PTPRU: variants seen among roughly 807,000 people sequenced by gnomAD.
PTPRU encodes the protein protein tyrosine phosphatase receptor type U, also known as receptor-type tyrosine-protein phosphatase U.
PTPRU carries 69 observed loss-of-function variants against 166.3 expected under a neutral mutation model. The ratio of observed to expected loss-of-function variants is 0.41; its 90% CI spans 0.34 to 0.51. PTPRU has a LOEUF of 0.51. Among genes scored for constraint, PTPRU ranks in the 20% least tolerant of loss-of-function variants. PTPRU has a pLI of 0.09. For missense variants in PTPRU, 1,657 were observed against 2,013.7 expected, an observed-to-expected ratio of 0.82 and a Z score of 3.39; for synonymous variants, 793 against 814.0, an observed-to-expected ratio of 0.97 and a Z score of 0.44.
intron 18 of PTPRU, among the ~76,000 whole-genome samples, chr1:29,310,140 CAG>C (rs746829664): frequency 3.9e-5 from 6 of 152,110 alleles, no homozygotes; most frequent in Non-Finnish European, 7.3e-5. Context: ...GTGACCATAA[CAG>C]GGTCATTATT....
At position 29,303,901 on chromosome 1, in the gene PTPRU, G is replaced by T. The variant is rs765510662; in HGVS notation, c.2523G>T (p.Gly841=). ...TCACTGAGGCCAGCAGCCTCCTGGG[G>T]GGCTCCCCGAGGCGTCCCTGTGGCC... ...GGVTEASSLL[G]GSPRRPCGRK... Residue 841 remains glycine, a synonymous_variant, in exon 16 of 30, where the codon GGG becomes GGT. Transcript: ENST00000373779. 2.5e-6 allele frequency: 4 copies of T among 1,613,628 alleles called. No homozygotes were observed. Among genetic ancestry groups the T allele is most frequent in the Non-Finnish European group, 3.4e-6 (4 of 1,179,596 alleles).
chr1:29,304,067 G>A, intron 16 of PTPRU, 22 bp downstream of exon 16: 1 of 1,591,486 alleles, frequency 6.3e-7, no homozygotes, highest in Non-Finnish European at 8.6e-7. Context: ...CCCCGGGCCA[G>A]CAGGATCCCT....
chr1:29,243,006 T>C (rs774618800), intron 1 of PTPRU, among the ~76,000 whole-genome samples: 2 of 152,094 alleles, frequency 1.3e-5, no homozygotes, highest in Non-Finnish European at 2.9e-5. Context: ...CAAGCAATTC[T>C]TCAGCCTCAG....
At chr1:29,266,023 T>C (rs541148363) in intron 7 of PTPRU, among the ~76,000 whole-genome samples, 3,722 of 141,834 alleles carry the variant, frequency 0.026, 182 homozygotes, top group African/African-American at 0.091. Flanking sequence ...TTTTTTTTTT[T>C]TTTTTTTTTT....
At chr1:29,324,639 C>T (rs1265269670) in intron 28 of PTPRU, among the ~76,000 whole-genome samples, 1 of 152,226 alleles carries the variant, frequency 6.6e-6, no homozygotes, top group South Asian at 2.1e-4. Flanking sequence ...CTGTCTTTGT[C>T]TCTCCGGGTG....
rs1574619471 is a variant in PTPRU at position 29,258,411 on chromosome 1, G to A, written c.206-94G>A. 1.4e-5 allele frequency: 19 copies of A among 1,403,044 alleles called. No homozygotes were observed. The Middle Eastern group carries it at 5.6e-4, about 41-fold the overall frequency. The allele number at this position is 1,403,044 out of a possible 1,614,324, so 86.9% of individuals were successfully genotyped here. On this transcript the variant is annotated intron_variant, in intron 2 of 29. Transcript: ENST00000373779. Reference sequence around the variant, plus strand: ...GAATCCCTGACTCCTGGTGGGTCCCGTTGCCTGGAGTCCTCCTCAGTGCTC... The same window carrying A: ...GAATCCCTGACTCCTGGTGGGTCCCATTGCCTGGAGTCCTCCTCAGTGCTC...
At position 29,260,638 on chromosome 1, in the gene PTPRU, G is replaced by A. The variant is rs368989564; in HGVS notation, c.879G>A (p.Gln293=). 30 of 1,505,486 alleles carry A rather than the reference G, an allele frequency of 2.0e-5. No individual in the cohort carries two copies. Among genetic ancestry groups the A allele is most frequent in the Non-Finnish European group, 2.7e-5 (30 of 1,124,760 alleles). The allele number at this position is 1,505,486 out of a possible 1,614,324, so 93.3% of individuals were successfully genotyped here. A position where few individuals can be genotyped will look rare whatever the true frequency, so the allele number is the denominator to read the frequency against. The change falls in exon 7 of 30, where the codon CAG becomes CAA. Residue 293 remains glutamine (Q), a synonymous_variant. Transcript: ENST00000373779. The surrounding 1 kb of genome is among the most constrained non-coding windows in gnomAD (Gnocchi z 8.3). ...KEPPTPIAPP[Q]LLRAGPTYLI... ...CCCCAACTCCCATCGCGCCCCCACAGCTGCTGCGTGCTGGCCCCACCTACC... is the reference window on the plus strand; with the variant it reads ...CCCCAACTCCCATCGCGCCCCCACAACTGCTGCGTGCTGGCCCCACCTACC...
chr1:29,300,490 C>T (rs1296335131), intron 15 of PTPRU, among the ~76,000 whole-genome samples: 1 of 152,176 alleles, frequency 6.6e-6, no homozygotes, highest in African/African-American at 2.4e-5. Context: ...TAATGGGACA[C>T]CACTTAATCA....
intron 1 of PTPRU, among the ~76,000 whole-genome samples, chr1:29,249,136 T>G (rs554911274): frequency 2.0e-5 from 3 of 151,184 alleles, no homozygotes; most frequent in Admixed American, 1.3e-4. Context: ...TCCTGTCATC[T>G]TAGAGCCATG....
chr1:29,239,803 C>T (rs570369294), intron 1 of PTPRU, among the ~76,000 whole-genome samples: 15 of 152,202 alleles, frequency 9.9e-5, no homozygotes, highest in African/African-American at 3.6e-4. Context: ...TATCTTTCAC[C>T]TGCAGGAAGA....
At position 29,303,861 on chromosome 1, in the gene PTPRU, A is replaced by G; in HGVS notation, c.2483A>G (p.Gln828Arg). 3 of 1,605,846 alleles carry G rather than the reference A, an allele frequency of 1.9e-6. No individual in the cohort carries two copies. The highest frequency in any genetic ancestry group is 2.6e-6 in the Non-Finnish European group (3 of 1,173,772). Residue 828 changes from glutamine (Q) to arginine (R), a missense_variant, in exon 16 of 30, where the codon CAG (glutamine) becomes CGG (arginine). Physicochemically the swap from Gln to Arg is conservative, Grantham distance 43 (BLOSUM62 1). Coordinates refer to ENST00000373779, the MANE Select transcript of PTPRU (RefSeq NM_133178.4). Reference protein sequence around the residue: ...DTHGYSTRGDQRSGGVTEASS... With the variant: ...DTHGYSTRGDRRSGGVTEASS... Reference sequence around the variant, plus strand: ...TGTCTTTCTCTGACTGCAGGAGACCAGCGCAGCGGTGGGGTCACTGAGGCC... The same window carrying G: ...TGTCTTTCTCTGACTGCAGGAGACCGGCGCAGCGGTGGGGTCACTGAGGCC...
Position 29,326,484 on chromosome 1 carries a change from C to T in PTPRU, c.*823C>T, listed in dbSNP as rs910683742. 3 of 152,808 alleles carry T rather than the reference C, an allele frequency of 2.0e-5. No individual in the cohort carries two copies. The highest frequency in any genetic ancestry group is 2.1e-4 in the South Asian group (1 of 4,836). 9.5% of individuals were successfully genotyped at this position (152,808 alleles called of 1,614,324 possible). A position where few individuals can be genotyped will look rare whatever the true frequency, so the allele number is the denominator to read the frequency against. Reference sequence around the variant, plus strand: ...AATCTGCAAGGCTGAACAACAGCCCCTGGGGTTGAGGCCCCTGTGGCTCCT... The same window carrying T: ...AATCTGCAAGGCTGAACAACAGCCCTTGGGGTTGAGGCCCCTGTGGCTCCT... On this transcript the variant is annotated 3_prime_UTR_variant, in exon 30 of 30. Coordinates refer to ENST00000373779, the MANE Select transcript of PTPRU (RefSeq NM_133178.4).
At chr1:29,319,262 G>A (rs1688040810) in intron 25 of PTPRU, among the ~76,000 whole-genome samples, 1 of 148,814 alleles carries the variant, frequency 6.7e-6, no homozygotes. Flanking sequence ...CTCCCGCCCA[G>A]CCCCCTCCTT....
chr1:29,302,151 ATGTGTGTG>A (rs138316498), intron 15 of PTPRU, among the ~76,000 whole-genome samples: 201 of 142,314 alleles, frequency 1.4e-3, no homozygotes, highest in African/African-American at 4.8e-3. Context: ...GCTAATGTGT[ATGTGTGTG>A]TGTGTGTGTG....
chr1:29,299,574 A>G (rs972283747), intron 15 of PTPRU, among the ~76,000 whole-genome samples: 2 of 152,156 alleles, frequency 1.3e-5, no homozygotes, highest in Non-Finnish European at 2.9e-5. Context: ...CTGGCTTTCC[A>G]GGCGGGACTT....
Position 29,326,037 on chromosome 1 carries a change from G to T in PTPRU, c.*376G>T. On this transcript the variant is annotated 3_prime_UTR_variant, in exon 30 of 30. Coordinates refer to ENST00000373779, the MANE Select transcript of PTPRU (RefSeq NM_133178.4). ...TTTTGGCAGGGATGAGTGAGGCCCT[G>T]CAGAGAGCATCCCAGGCCAAGGTTC... 1 of 409,878 alleles carries T rather than the reference G, an allele frequency of 2.4e-6. No individual in the cohort carries two copies. The highest frequency in any genetic ancestry group is 1.2e-4 in the South Asian group (1 of 8,260). 25.4% of individuals were successfully genotyped at this position (409,878 alleles called of 1,614,324 possible). A position where few individuals can be genotyped will look rare whatever the true frequency, so the allele number is the denominator to read the frequency against.
At chr1:29,305,534 T>A in intron 18 of PTPRU, 106 bp downstream of exon 18, 1 of 1,186,432 alleles carries the variant, frequency 8.4e-7, no homozygotes, top group Non-Finnish European at 1.2e-6. Flanking sequence ...TTCAAATGGC[T>A]GAGTTCGGAG....
At chr1:29,272,327 G>T (rs570101195) in intron 7 of PTPRU, among the ~76,000 whole-genome samples, 1 of 152,320 alleles carries the variant, frequency 6.6e-6, no homozygotes, top group East Asian at 1.9e-4. Context: ...GGTGGTCCCT[G>T]CTTGTGGGGA....
intron 14 of PTPRU, among the ~76,000 whole-genome samples, chr1:29,286,122 C>T (rs1443872607): frequency 6.6e-6 from 1 of 152,164 alleles, no homozygotes; most frequent in Non-Finnish European, 1.5e-5. Context: ...TGAGGCCAGA[C>T]ACCAGCAAGA....
Sources: allele counts gnomAD v4.1 joint callset (sites outside exome capture counted in the v4.1 genomes callset), GRCh38; gene constraint gnomAD v4.1.1; non-coding constraint Gnocchi (gnomAD v3.1); transcripts MANE v1.5; gene names NCBI Gene and HGNC (gene_info 2026-07-23, HGNC 2026-07-21).